RBFOX1: variants seen among roughly 807,000 people sequenced by gnomAD.
RBFOX1 encodes the protein RNA binding protein fox-1 homolog 1.
A neutral mutation model predicts 57.7 loss-of-function variants in RBFOX1; 8 were observed. The ratio of observed to expected loss-of-function variants is 0.14; its 90% CI spans 0.08 to 0.25. RBFOX1 has a LOEUF of 0.25. Among genes scored for constraint, RBFOX1 ranks in the 10% least tolerant of loss-of-function variants. The pLI is 1.00. For synonymous variants in RBFOX1, 326 were observed against 222.4 expected, an observed-to-expected ratio of 1.47 and a Z score of -4.15; for missense variants, 611 against 548.5, an observed-to-expected ratio of 1.11 and a Z score of -1.14.
At chr16:6,920,548 G>C (rs968896209) in intron 3 of RBFOX1, among the ~76,000 whole-genome samples, 1 of 152,220 alleles carries the variant, frequency 6.6e-6, no homozygotes, top group Non-Finnish European at 1.5e-5. Context: ...CTAGTGGCAG[G>C]CTTGAAACAA....
At chr16:6,999,206 A>ATTTTATTTTATTTTTTT (rs1568299754) in intron 3 of RBFOX1, among the ~76,000 whole-genome samples, 2 of 72,124 alleles carry the variant, frequency 2.8e-5, no homozygotes, top group South Asian at 5.3e-4. Flanking sequence ...TTTATTTTTT[A>ATTTTATTTTATTTTTTT]TTTTTATTTA....
intron 3 of RBFOX1, among the ~76,000 whole-genome samples, chr16:7,011,869 C>A (rs549540281): frequency 2.0e-5 from 3 of 152,262 alleles, no homozygotes; most frequent in African/African-American, 7.2e-5. Flanking sequence ...GAGTGGGATG[C>A]CTTTGGATGA....
intron 3 of RBFOX1, among the ~76,000 whole-genome samples, chr16:6,843,939 A>T (rs958304908): frequency 1.3e-5 from 2 of 152,162 alleles, no homozygotes; most frequent in Non-Finnish European, 2.9e-5. Flanking sequence ...CCACTGTCTC[A>T]TGGAAATCAC....
At chr16:6,427,333 C>G (rs1006240429) in intron 2 of RBFOX1, among the ~76,000 whole-genome samples, 1 of 152,154 alleles carries the variant, frequency 6.6e-6, no homozygotes, top group Non-Finnish European at 1.5e-5. Flanking sequence ...TTCTCCTTGT[C>G]ACTGAGAACT....
At chr16:5,782,375 G>A (rs961976784) in intron 3 of RBFOX1, among the ~76,000 whole-genome samples, 16 of 152,178 alleles carry the variant, frequency 1.1e-4, no homozygotes, top group Admixed American at 5.2e-4. Context: ...GGGGCAAAAA[G>A]GAGTACACTC....
At chr16:5,953,447 A>G (rs2059559794) in intron 4 of RBFOX1, among the ~76,000 whole-genome samples, 1 of 152,040 alleles carries the variant, frequency 6.6e-6, no homozygotes, top group Admixed American at 6.5e-5. Flanking sequence ...TCACCTGAGC[A>G]CTGTACGCTG....
chr16:7,349,346 T>C (rs2097084168), intron 4 of RBFOX1, among the ~76,000 whole-genome samples: 1 of 152,132 alleles, frequency 6.6e-6, no homozygotes, highest in African/African-American at 2.4e-5. Flanking sequence ...CGGTTTTCAA[T>C]TTAAGTGACT....
chr16:6,418,016 A>T (rs920812527), intron 2 of RBFOX1, among the ~76,000 whole-genome samples: 3 of 152,208 alleles, frequency 2.0e-5, no homozygotes, highest in African/African-American at 2.4e-5. Flanking sequence ...AGATCAAATA[A>T]GAGACACAGG....
At chr16:7,584,690 A>G (rs557234787) in intron 6 of RBFOX1, among the ~76,000 whole-genome samples, 13 of 152,332 alleles carry the variant, frequency 8.5e-5, no homozygotes, top group African/African-American at 3.1e-4. Context: ...AATGCTAGTT[A>G]TGTCTGCGAA....
At chr16:6,538,807 T>C (rs550336979) in intron 2 of RBFOX1, among the ~76,000 whole-genome samples, 14 of 152,326 alleles carry the variant, frequency 9.2e-5, no homozygotes, top group African/African-American at 2.9e-4. Context: ...TTTGCTAATA[T>C]GCGGTTCTTT....
chr16:5,806,749 G>A (rs978272748), intron 3 of RBFOX1, among the ~76,000 whole-genome samples: 10 of 152,184 alleles, frequency 6.6e-5, no homozygotes, highest in African/African-American at 1.9e-4. Context: ...GTAATGCCCC[G>A]GGATAAGCTT....
intron 3 of RBFOX1, among the ~76,000 whole-genome samples, chr16:6,732,051 A>T (rs1049526418): frequency 7.2e-5 from 11 of 152,176 alleles, no homozygotes; most frequent in African/African-American, 2.7e-4. Context: ...GACTTAAGCT[A>T]TGGCTTGAGA....
At chr16:7,160,525 T>G (rs944879932) in intron 4 of RBFOX1, among the ~76,000 whole-genome samples, 7 of 152,182 alleles carry the variant, frequency 4.6e-5, no homozygotes, top group African/African-American at 1.7e-4. Context: ...ACATATTTTT[T>G]TATTTGTGTC....
At chr16:7,159,764 C>G (rs941704693) in intron 4 of RBFOX1, among the ~76,000 whole-genome samples, 5 of 152,184 alleles carry the variant, frequency 3.3e-5, no homozygotes, top group African/African-American at 1.2e-4. Flanking sequence ...TTTCCTCCCT[C>G]CCATCAAATA....
intron 3 of RBFOX1, among the ~76,000 whole-genome samples, chr16:5,619,150 G>T (rs774663428): frequency 6.6e-6 from 1 of 152,174 alleles, no homozygotes; most frequent in Non-Finnish European, 1.5e-5. Flanking sequence ...GTGCAAAGGG[G>T]TTACCTGTGA....
intron 2 of RBFOX1, among the ~76,000 whole-genome samples, chr16:6,402,266 G>T (rs998433): frequency 2.6e-5 from 4 of 151,988 alleles, no homozygotes; most frequent in African/African-American, 9.7e-5. Flanking sequence ...GGTCTCTGGG[G>T]TAGAATAAAC....
intron 4 of RBFOX1, among the ~76,000 whole-genome samples, chr16:5,871,939 A>G (rs763061067): frequency 3.9e-5 from 6 of 152,302 alleles, no homozygotes; most frequent in South Asian, 2.1e-4. Flanking sequence ...GAAACTACGC[A>G]GGTAGCAAAC....
At chr16:6,297,244 T>C (rs2078227204) in intron 1 of RBFOX1, among the ~76,000 whole-genome samples, 1 of 152,122 alleles carries the variant, frequency 6.6e-6, no homozygotes, top group South Asian at 2.1e-4. Context: ...CAACCTCCTA[T>C]CTCATCCTCT....
At chr16:6,702,352 A>G (rs553597267) in intron 3 of RBFOX1, among the ~76,000 whole-genome samples, 1 of 152,272 alleles carries the variant, frequency 6.6e-6, no homozygotes, top group East Asian at 1.9e-4. Flanking sequence ...TAAGGAGTTC[A>G]AGACCAGACT....
Sources: allele counts gnomAD v4.1 joint callset (sites outside exome capture counted in the v4.1 genomes callset), GRCh38; gene constraint gnomAD v4.1.1; transcripts MANE v1.5; gene names NCBI Gene and HGNC (gene_info 2026-07-23, HGNC 2026-07-21).